The following ZAN variants were observed in gnomAD, a reference collection of about 807,000 sequenced individuals.
ZAN encodes the protein zonadhesin (gene/pseudogene).
In ZAN, 260 loss-of-function variants were observed where a neutral mutation model predicts 286.2. The ratio of observed to expected loss-of-function variants is 0.91; its 90% CI spans 0.82 to 1.01. ZAN has a LOEUF of 1.01. Among genes scored for constraint, ZAN ranks in the 50% least tolerant of loss-of-function variants. ZAN has a pLI of 0.00. For missense variants in ZAN, 3,410 were observed against 3,639.2 expected (o/e 0.94, Z 1.62); for synonymous variants, 1,368 against 1,417.5 (o/e 0.97, Z 0.79).
At position 100,746,569 on chromosome 7, in the gene ZAN, T is replaced by C. The variant is rs1414511155; in HGVS notation, c.798T>C (p.Asn266=). The change falls in exon 8 of 48, where the codon AAT becomes AAC. Residue 266 remains asparagine, a synonymous_variant. Transcript: ENST00000613979. ...GCTACATGCTCCTGGACCCCAAGAA[T>C]GCAAGACCTGGGCAGAAAGCTGTCC... ...SGCYMLLDPK[N]ARPGQKAVLL... is the part of the protein sequence containing the mutation. The C allele has an allele frequency of 1.9e-6, 3 of 1,613,972 alleles. No individual in the cohort carries two copies. In the South Asian group the frequency reaches 3.3e-5, roughly 18 times the overall value.
rs1812268626 is a variant in ZAN, at chr7:100,795,127, G to A, written c.8126-69G>A. On this transcript the variant is annotated intron_variant, in intron 44 of 47. Transcript: ENST00000613979. Reference sequence around the variant, plus strand: ...TTCTCCCCGGGCGTCCCAGCCCCCAGCCAGGCCTTCCCTCAGCTGGGAGTG... The same window carrying A: ...TTCTCCCCGGGCGTCCCAGCCCCCAACCAGGCCTTCCCTCAGCTGGGAGTG... 4.6e-6 allele frequency: 7 copies of A among 1,528,246 alleles called. No individual in the cohort carries two copies. In the Admixed American group the frequency reaches 7.9e-5, roughly 17 times the overall value. 94.7% of individuals were successfully genotyped at this position (1,528,246 alleles called of 1,614,324 possible). A position where few individuals can be genotyped will look rare whatever the true frequency, so the allele number is the denominator to read the frequency against.
chr7:100,763,753 A>C lies in ZAN; in HGVS notation c.3987-53A>C. ...AGCCTTGCTGCCTGCTGGGTTAGGGATGAGCTGGAAGCGAGCTTTGTCTTT... is the reference window on the plus strand; with the variant it reads ...AGCCTTGCTGCCTGCTGGGTTAGGGCTGAGCTGGAAGCGAGCTTTGTCTTT... On this transcript the variant is annotated intron_variant, in intron 20 of 47. Coordinates refer to ENST00000613979, the MANE Select transcript of ZAN (RefSeq NM_003386.3). This position sits in a 1 kb window ranked among gnomAD's most constrained non-coding sequence, Gnocchi z 4.6. 6.4e-7 allele frequency: 1 copy of C among 1,569,954 alleles called. No homozygotes were observed. Among genetic ancestry groups the C allele is most frequent in the Non-Finnish European group, 8.7e-7 (1 of 1,142,896 alleles).
rs781196224 is a variant in ZAN at position 100,797,463 on chromosome 7, G to A, written c.8364G>A (p.Lys2788=). The change falls in exon 46 of 48, where the codon AAG becomes AAA. Residue 2788 remains lysine, a splice_region_variant and synonymous_variant. Coordinates refer to ENST00000613979, the MANE Select transcript of ZAN (RefSeq NM_003386.3). ...AGTGCATTTACAGAACGAGGAGGAA[G>A]AGGTGAGTCCTGGGAAGGAGAGAGG... ...TRECIYRTRR[K]REKTQEGDRL... 6.2e-7 allele frequency: 1 copy of A among 1,614,002 alleles called. No individual in the cohort carries two copies. The highest frequency in any genetic ancestry group is 1.3e-5 in the African/African-American group (1 of 75,054).
rs1584587366 is a variant in ZAN at position 100,762,978 on chromosome 7, T to G, written c.3986+620T>G. Among the ~76,000 whole-genome samples, 4 of 151,402 alleles carry G rather than the reference T, an allele frequency of 2.6e-5. No homozygotes were observed. In the South Asian group the frequency reaches 8.3e-4, roughly 32 times the overall value. On this transcript the variant is annotated intron_variant, in intron 20 of 47. Transcript: ENST00000613979. ...CTGCTGGCCCTCCCCAACGGTTTTT[T>G]TTTTTTTTTTTGAGATGGAGTCTTG...
chr7:100,752,639 T>A lies in ZAN; in HGVS notation c.2534T>A (p.Ile845Asn). 2 of 1,603,030 alleles carry A rather than the reference T, an allele frequency of 1.2e-6. No homozygotes were observed. Among genetic ancestry groups the A allele is most frequent in the Non-Finnish European group, 1.7e-6 (2 of 1,177,610 alleles). ...ETTISTEKLT[I>N]PMEKPTISTE... ...ACCATCTCTACAGAAAAACTCACCA[T>A]CCCCATGGAAAAACCCACCATCTCC... Residue 845 changes from isoleucine to asparagine, a missense_variant, in exon 14 of 48, where the codon ATC becomes AAC. Physicochemically the swap from Ile to Asn is moderately radical, Grantham distance 149. Coordinates refer to ENST00000613979, the MANE Select transcript of ZAN (RefSeq NM_003386.3).
rs955696387 is a variant in ZAN, at chr7:100,754,291, T to A, written c.3125-935T>A. ...GGCTAACACAGTGAAACCCCGTCTC[T>A]ACTGAAAATACAAAAAAATTAGCTG... is the stretch of plus-strand genomic sequence containing the variant. On this transcript the variant is annotated intron_variant, in intron 14 of 47. Coordinates refer to ENST00000613979, the MANE Select transcript of ZAN (RefSeq NM_003386.3). 2.0e-5 allele frequency among the ~76,000 whole-genome samples: 3 copies of A among 151,728 alleles called. No individual in the cohort carries two copies. In the South Asian group the frequency reaches 6.2e-4, roughly 32 times the overall value.
intron 7 of ZAN, among the ~76,000 whole-genome samples, chr7:100,739,274 A>AG: frequency 7.4e-6 from 1 of 135,524 alleles, no homozygotes. Flanking sequence ...AGCCTCCCAA[A>AG]TGCTGGGATT....
intron 18 of ZAN, 83 bp downstream of exon 18, chr7:100,759,928 C>A: frequency 6.6e-7 from 1 of 1,508,130 alleles, no homozygotes. Context: ...AACCTTTCCA[C>A]GGATGGGGTT....
intron 35 of ZAN, among the ~76,000 whole-genome samples, chr7:100,780,920 G>T (rs995429109): frequency 6.6e-6 from 1 of 151,654 alleles, no homozygotes. Context: ...TGAGACCCCC[G>T]CATCGCTACA....
Position 100,762,367 on chromosome 7 carries a change from G to A in ZAN, c.3986+9G>A, listed in dbSNP as rs1011052110. On this transcript the variant is annotated intron_variant, in intron 20 of 47. Transcript: ENST00000613979. ...CAGGACGAGGACCAGGAGTGAGCAA[G>A]GAGCCCTCCCACCGGGGCCCTGGGA... The A allele has an allele frequency of 2.5e-6, 4 of 1,599,696 alleles. No individual in the cohort carries two copies. The highest frequency in any genetic ancestry group is 2.7e-5 in the African/African-American group (2 of 73,920).
chr7:100,774,323 T>A (rs1444103549), intron 31 of ZAN, among the ~76,000 whole-genome samples: 1 of 152,036 alleles, frequency 6.6e-6, no homozygotes, highest in African/African-American at 2.4e-5. Flanking sequence ...TGAGCAGAGA[T>A]CGTGCCATTG....
chr7:100,760,653 A>G, intron 19 of ZAN, 117 bp downstream of exon 19: 1 of 1,430,568 alleles, frequency 7.0e-7, no homozygotes, highest in South Asian at 1.4e-5. Context: ...CCACTACTTG[A>G]TCCTTTATGC....
intron 3 of ZAN, 148 bp from the exon 4 acceptor site, chr7:100,736,335 C>A: frequency 1.0e-6 from 1 of 965,970 alleles, no homozygotes; most frequent in Non-Finnish European, 1.6e-6. Context: ...TCCCCAGTAG[C>A]TGGGACTACA....
In ZAN at chr7:100,737,332, G is replaced by T; in HGVS notation, c.596G>T (p.Arg199Leu). The T allele has an allele frequency of 6.8e-7, 1 of 1,473,828 alleles. No homozygotes were observed. Among genetic ancestry groups the T allele is most frequent in the African/African-American group, 1.4e-5 (1 of 69,780 alleles). The allele number at this position is 1,473,828 out of a possible 1,614,324, so 91.3% of individuals were successfully genotyped here. The change falls in exon 6 of 48, where the codon CGG (arginine) becomes CTG (leucine). Residue 199 changes from arginine (R) to leucine (L), a missense_variant. By Grantham distance (102) the Arg-to-Leu change is moderately radical. This residue lies in a region of ZAN where 872 missense variants were observed against 938.9 expected (regional missense o/e 0.93). Transcript: ENST00000613979. ...DIALDALSIR[R>L]GSCNRVCMMQ... is the part of the protein sequence containing the mutation. ...GCCCTGGATGCCCTCTCTATCCGCC[G>T]GGGCTCCTGTAATCGCGGTGAGTCC...
In ZAN at chr7:100,737,329, G is replaced by T. The variant is rs773574912; in HGVS notation, c.593G>T (p.Arg198Leu). The T allele has an allele frequency of 6.8e-7, 1 of 1,475,590 alleles. No individual in the cohort carries two copies. Among genetic ancestry groups the T allele is most frequent in the East Asian group, 2.4e-5 (1 of 41,958 alleles). The allele number at this position is 1,475,590 out of a possible 1,614,324, so 91.4% of individuals were successfully genotyped here. A position where few individuals can be genotyped will look rare whatever the true frequency, so the allele number is the denominator to read the frequency against. The change falls in exon 6 of 48, where the codon CGC becomes CTC. Residue 198 changes from arginine to leucine, a missense_variant. Around this residue, in one of 7 missense-constraint regions of ZAN, gnomAD observed 872 missense variants for 938.9 expected, o/e 0.93. Transcript: ENST00000613979. The part of the protein sequence containing the change: ...LDIALDALSI[R>L]RGSCNRVCMM... Reference sequence around the variant, plus strand: ...ATCGCCCTGGATGCCCTCTCTATCCGCCGGGGCTCCTGTAATCGCGGTGAG... The same window carrying T: ...ATCGCCCTGGATGCCCTCTCTATCCTCCGGGGCTCCTGTAATCGCGGTGAG...
At chr7:100,738,310 T>G in intron 6 of ZAN, 151 bp from the exon 7 acceptor site, 12 of 721,076 alleles carry the variant, frequency 1.7e-5, no homozygotes, top group Middle Eastern at 2.9e-4. Context: ...CCTAGCTACT[T>G]GAGAGGTTGA....
At chr7:100,766,428 T>C (rs1191252827) in intron 23 of ZAN, 97 bp from the exon 24 acceptor site, 2 of 1,411,338 alleles carry the variant, frequency 1.4e-6, no homozygotes, top group South Asian at 1.5e-5. Context: ...AAGCCAGTGA[T>C]CTGAACAGCT....
chr7:100,746,692 T>C lies in ZAN; in HGVS notation c.921T>C (p.Ala307=). 1 of 1,613,924 alleles carries C rather than the reference T, an allele frequency of 6.2e-7. No individual in the cohort carries two copies. Residue 307 remains alanine, a synonymous_variant, in exon 8 of 48, where the codon GCT becomes GCC. Transcript: ENST00000613979. ...CTGGTGCAGCCCTCCACATTTATGC[T>C]TCAGTCTTGGGTTAGAGCGGAGAAT... ...QSPGAALHIY[A]SVLGSIRKHT... is the part of the protein sequence containing the mutation.
In ZAN at chr7:100,794,349, T is replaced by C. The variant is rs1029931014; in HGVS notation, c.8125+91T>C. The stretch of plus-strand genomic sequence containing the variant: ...CGTCCCCTCCTTGTCCTCAGGACTC[T>C]TCCACATTGATTTCAGGATGTCTGT... On this transcript the variant is annotated intron_variant, in intron 44 of 47. Transcript: ENST00000613979. 3 of 1,502,010 alleles carry C rather than the reference T, an allele frequency of 2.0e-6. No individual in the cohort carries two copies. In the African/African-American group the frequency reaches 4.2e-5, roughly 21 times the overall value. 93.0% of individuals were successfully genotyped at this position (1,502,010 alleles called of 1,614,324 possible). A position where few individuals can be genotyped will look rare whatever the true frequency, so the allele number is the denominator to read the frequency against.
Sources: gnomAD v4.1 joint callset for allele counts (sites outside exome capture counted in the v4.1 genomes callset) on GRCh38, gnomAD v4.1.1 for gene constraint, gnomAD v4.1.1 regional missense constraint, Gnocchi (gnomAD v3.1) non-coding constraint, MANE v1.5 for transcripts, NCBI Gene and HGNC (gene_info 2026-07-23, HGNC 2026-07-21) for gene names.